The following CYP1A2 variants were observed in gnomAD, a reference collection of about 807,000 sequenced individuals.
CYP1A2 encodes the protein cytochrome P450 family 1 subfamily A member 2, also known as cytochrome P450 1A2.
A neutral mutation model predicts 34.7 loss-of-function variants in CYP1A2; 35 were observed. The ratio of observed to expected loss-of-function variants is 1.01; its 90% CI spans 0.77 to 1.34. The LOEUF is 1.34. Ranked by LOEUF, CYP1A2 falls within the 40% of genes most tolerant of loss-of-function variation. The probability of loss-of-function intolerance (pLI) is 0.00; values close to 1 mark genes in which losing one functional copy is unlikely to be tolerated. For synonymous variants in CYP1A2, 288 were observed against 281.9 expected (o/e 1.02, Z -0.22); for missense variants, 675 against 675.8 (o/e 1.00, Z 0.01).
rs1330830770 is a variant in CYP1A2, at chr15:74,749,803, G to A, written c.65G>A (p.Cys22Tyr). Residue 22 changes from cysteine to tyrosine, a missense_variant, in exon 2 of 7, where the codon TGC becomes TAC. Physicochemically the swap from Cys to Tyr is radical, Grantham distance 194 (BLOSUM62 -2). Coordinates refer to ENST00000343932, the MANE Select transcript of CYP1A2 (RefSeq NM_000761.5). ...CTTCTCCTGGCCTCTGCCATCTTCT[G>A]CCTGGTATTCTGGGTGCTCAAGGGT... ...TELLLASAIF[C>Y]LVFWVLKGLR... is the part of the protein sequence containing the mutation. 6.3e-7 allele frequency: 1 copy of A among 1,587,334 alleles called. No individual in the cohort carries two copies. The highest frequency in any genetic ancestry group is 8.6e-7 in the Non-Finnish European group (1 of 1,163,912).
chr15:74,751,371 C>A, intron 3 of CYP1A2, 62 bp downstream of exon 3: 1 of 1,599,700 alleles, frequency 6.3e-7, no homozygotes, highest in Non-Finnish European at 8.5e-7. Context: ...CAGCCTTGCC[C>A]AGCCCCTCAG....
intron 5 of CYP1A2, 148 bp downstream of exon 5, chr15:74,752,395 A>C (rs1212493528): frequency 9.1e-7 from 1 of 1,102,068 alleles, no homozygotes; most frequent in Non-Finnish European, 1.3e-6. Context: ...ATCCAGTCCA[A>C]ACATAATCTA....
chr15:74,752,156 C>A lies in CYP1A2; in HGVS notation c.1075C>A (p.Leu359Ile), dbSNP rs774829338. Residue 359 changes from leucine (L) to isoleucine (I), a missense_variant, in exon 5 of 7, where the codon CTC becomes ATC. Leu to Ile is a conservative substitution (Grantham distance 5, BLOSUM62 2). Transcript: ENST00000343932. ...TVIGRERRPR[L>I]SDRPQLPYLE... is the part of the protein sequence containing the mutation. ...GATTGGCAGGGAGCGGCGGCCCCGG[C>A]TCTCTGACAGACCCCAGCTGCCCTA... is the stretch of plus-strand genomic sequence containing the variant. 1.9e-6 allele frequency: 3 copies of A among 1,614,080 alleles called. No homozygotes were observed. Among genetic ancestry groups the A allele is most frequent in the South Asian group, 1.1e-5 (1 of 91,086 alleles).
intron 5 of CYP1A2, 42 bp from the exon 6 acceptor site, chr15:74,753,142 C>G (rs753003400): frequency 2.4e-5 from 38 of 1,561,176 alleles, no homozygotes; most frequent in Non-Finnish European, 3.3e-5. Context: ...CATGCCCCAG[C>G]TTTCCAGCCC....
chr15:74,754,419 C>A (rs1345086543), intron 6 of CYP1A2, among the ~76,000 whole-genome samples: 1 of 138,416 alleles, frequency 7.2e-6, no homozygotes, highest in Non-Finnish European at 1.5e-5. Context: ...AGTGAAACCC[C>A]GTCTCTGCAA....
At chr15:74,749,596 A>T in intron 1 of CYP1A2, 134 bp from the exon 2 acceptor site, 1 of 718,484 alleles carries the variant, frequency 1.4e-6, no homozygotes, top group African/African-American at 1.8e-5. Context: ...TGGTAGATGG[A>T]GCTTAGTCTT....
chr15:74,754,933 T>A lies in CYP1A2; in HGVS notation c.1396T>A (p.Trp466Arg), dbSNP rs762359586. Residue 466 changes from tryptophan to arginine, a missense_variant, in exon 7 of 7, where the codon TGG becomes AGG. By Grantham distance (101) the Trp-to-Arg change is moderately radical. Transcript: ENST00000343932. Reference protein sequence around the residue: ...RRCIGEVLAKWEIFLFLAILL... With the variant: ...RRCIGEVLAKREIFLFLAILL... ...GTGTATCGGGGAAGTCCTGGCCAAG[T>A]GGGAGATCTTCCTCTTCCTGGCCAT... 5.0e-6 allele frequency: 8 copies of A among 1,614,102 alleles called. No individual in the cohort carries two copies. Among genetic ancestry groups the A allele is most frequent in the Non-Finnish European group, 6.8e-6 (8 of 1,180,046 alleles).
Position 74,755,019 on chromosome 15 carries a change from CT to C in CYP1A2, c.1483del (p.Tyr495ThrfsTer3), listed in dbSNP as rs1337270639. 1 of 1,614,206 alleles carries C rather than the reference CT, an allele frequency of 6.2e-7. No homozygotes were observed. The highest frequency in any genetic ancestry group is 8.5e-7 in the Non-Finnish European group (1 of 1,180,030). ...PGVKVDLTPI[Y>X]GLTMKHARCE... ...GCGTGAAAGTCGACCTGACCCCCAT[CT>C]ACGGGCTGACCATGAAGCACGCCCG... is the stretch of plus-strand genomic sequence containing the variant. On this transcript the variant is annotated frameshift_variant, in exon 7 of 7. Coordinates refer to ENST00000343932, the MANE Select transcript of CYP1A2 (RefSeq NM_000761.5). LOFTEE classifies it low-confidence loss of function (END_TRUNC).
At chr15:74,749,664 G>A (rs2063304339) in intron 1 of CYP1A2, 66 bp from the exon 2 acceptor site, 1 of 1,313,868 alleles carries the variant, frequency 7.6e-7, no homozygotes, top group Admixed American at 2.3e-5. Context: ...TCAAATGACT[G>A]AGGAAATGAA....
chr15:74,750,506 CA>C lies in CYP1A2; in HGVS notation c.770del (p.Asn257ThrfsTer78). The C allele has an allele frequency of 2.5e-6, 4 of 1,614,230 alleles. No homozygotes were observed. Among genetic ancestry groups the C allele is most frequent in the Non-Finnish European group, 3.4e-6 (4 of 1,180,036 alleles). On this transcript the variant is annotated frameshift_variant, in exon 2 of 7. Coordinates refer to ENST00000343932, the MANE Select transcript of CYP1A2 (RefSeq NM_000761.5). LOFTEE classifies it high-confidence loss of function. ...CTGCCCTGCAGAGGTTCAAGGCCTT[CA>C]ACCAGAGGTTCCTGTGGTTCCTGCA... ...NPALQRFKAF[N>X]QRFLWFLQKT...
Position 74,751,852 on chromosome 15 carries a change from TG to T in CYP1A2, c.1042+1del. The T allele has an allele frequency of 6.2e-7, 1 of 1,613,888 alleles. No individual in the cohort carries two copies. Among genetic ancestry groups the T allele is most frequent in the Non-Finnish European group, 8.5e-7 (1 of 1,179,950 alleles). The part of the protein sequence containing the change: ...PEIQRKIQKE[L>X]DTVIGRERRP... Reference sequence around the variant, plus strand: ...ATACAGAGGAAGATCCAGAAGGAGCTGGGTACATGGGGGCCCCCAACCCTAT... The same window carrying T: ...ATACAGAGGAAGATCCAGAAGGAGCTGGTACATGGGGGCCCCCAACCCTAT... On this transcript the variant is annotated frameshift_variant and splice_region_variant, in exon 4 of 7. Coordinates refer to ENST00000343932, the MANE Select transcript of CYP1A2 (RefSeq NM_000761.5). LOFTEE classifies it high-confidence loss of function.
chr15:74,750,186 G>A lies in CYP1A2; in HGVS notation c.448G>A (p.Ala150Thr), dbSNP rs192799115. Residue 150 changes from alanine to threonine, a missense_variant, in exon 2 of 7, where the codon GCC (alanine) becomes ACC (threonine). Transcript: ENST00000343932. ...GAATGCCCTCAACACCTTCTCCATCGCCTCTGACCCAGCTTCCTCATCCTC... is the reference window on the plus strand; with the variant it reads ...GAATGCCCTCAACACCTTCTCCATCACCTCTGACCCAGCTTCCTCATCCTC... ...AQNALNTFSI[A>T]SDPASSSSCY... 4.6e-5 allele frequency: 75 copies of A among 1,614,088 alleles called. 2 individuals are homozygous for A. In the Admixed American group the frequency reaches 7.0e-4, roughly 15 times the overall value.
At chr15:74,754,662 C>T in intron 6 of CYP1A2, 129 bp from the exon 7 acceptor site, 1 of 853,106 alleles carries the variant, frequency 1.2e-6, no homozygotes, top group South Asian at 1.7e-5. Flanking sequence ...TTGGTTCCTT[C>T]CCACCTACCC....
In CYP1A2 at chr15:74,754,941, C is replaced by A; in HGVS notation, c.1404C>A (p.Ile468=). 1 of 1,614,210 alleles carries A rather than the reference C, an allele frequency of 6.2e-7. No individual in the cohort carries two copies. Among genetic ancestry groups the A allele is most frequent in the Non-Finnish European group, 8.5e-7 (1 of 1,180,016 alleles). ...GGGAAGTCCTGGCCAAGTGGGAGAT[C>A]TTCCTCTTCCTGGCCATCCTGCTAC... ...CIGEVLAKWE[I]FLFLAILLQQ... is the part of the protein sequence containing the mutation. Residue 468 remains isoleucine (I), a synonymous_variant, in exon 7 of 7, where the codon ATC becomes ATA. Coordinates refer to ENST00000343932, the MANE Select transcript of CYP1A2 (RefSeq NM_000761.5).
At position 74,749,888 on chromosome 15, in the gene CYP1A2, G is replaced by A. The variant is rs1393868624; in HGVS notation, c.150G>A (p.Leu50=). The part of the protein sequence containing the change: ...KSPPEPWGWP[L]LGHVLTLGKN... Reference sequence around the variant, plus strand: ...CACCAGAGCCATGGGGCTGGCCCTTGCTCGGGCATGTGCTGACCCTGGGGA... The same window carrying A: ...CACCAGAGCCATGGGGCTGGCCCTTACTCGGGCATGTGCTGACCCTGGGGA... Residue 50 remains leucine (L), a synonymous_variant, in exon 2 of 7, where the codon TTG becomes TTA. Coordinates refer to ENST00000343932, the MANE Select transcript of CYP1A2 (RefSeq NM_000761.5). 5.0e-6 allele frequency: 8 copies of A among 1,608,822 alleles called. No homozygotes were observed. The highest frequency in any genetic ancestry group is 6.8e-6 in the Non-Finnish European group (8 of 1,176,018).
At chr15:74,753,780 G>T (rs1383036713) in intron 6 of CYP1A2, among the ~76,000 whole-genome samples, 2 of 151,588 alleles carry the variant, frequency 1.3e-5, no homozygotes. Context: ...ACAGGTGATG[G>T]TTCCCCCAGG....
chr15:74,751,357 C>A, intron 3 of CYP1A2, 48 bp downstream of exon 3: 1 of 1,608,672 alleles, frequency 6.2e-7, no homozygotes, highest in Non-Finnish European at 8.5e-7. Context: ...CTGCTGTTCA[C>A]CCACAGCCTT....
chr15:74,753,161 A>T, intron 5 of CYP1A2, 23 bp from the exon 6 acceptor site: 1 of 1,606,430 alleles, frequency 6.2e-7, no homozygotes. Context: ...CCTGAGCCTC[A>T]CAGTGCCCTC....
chr15:74,749,183 T>A (rs2063302478), intron 1 of CYP1A2, among the ~76,000 whole-genome samples: 1 of 152,166 alleles, frequency 6.6e-6, no homozygotes, highest in Non-Finnish European at 1.5e-5. Flanking sequence ...TGGGGACTCA[T>A]CCCTGGAGGA....
Sources: allele counts gnomAD v4.1 joint callset (sites outside exome capture counted in the v4.1 genomes callset), GRCh38; gene constraint gnomAD v4.1.1; transcripts MANE v1.5; gene names NCBI Gene and HGNC (gene_info 2026-07-23, HGNC 2026-07-21).